Variants in IL18 observed in about 807,000 individuals in gnomAD.
The protein encoded by IL18 is interleukin 18, also known as interleukin-18.
Under a neutral mutation model 14.2 loss-of-function variants are expected in IL18, and 8 were observed. That is an observed-to-expected ratio of 0.56 (90% CI 0.33 to 1.01). The LOEUF is 1.01. Ranked by LOEUF, IL18 falls within the 50% of genes least tolerant of loss-of-function variation. IL18 has a pLI of 0.03. For synonymous variants in IL18, 67 were observed against 71.0 expected, an observed-to-expected ratio of 0.94 and a Z score of 0.28; for missense variants, 166 against 231.1, an observed-to-expected ratio of 0.72 and a Z score of 1.83.
intron 3 of IL18, chr11:112,153,281 C>G: frequency 3.8e-6 from 1 of 262,378 alleles, no homozygotes; most frequent in East Asian, 6.5e-5. Context: ...CTATGCAACG[C>G]TCCCCCTACA....
At chr11:112,160,570 T>C (rs1336531059) in intron 1 of IL18, among the ~76,000 whole-genome samples, 1 of 152,180 alleles carries the variant, frequency 6.6e-6, no homozygotes, top group East Asian at 1.9e-4. Flanking sequence ...TTCCCCTGAA[T>C]TTTCAACACC....
chr11:112,159,818 TG>T (rs1866599084), intron 1 of IL18, among the ~76,000 whole-genome samples: 1 of 152,146 alleles, frequency 6.6e-6, no homozygotes, highest in Non-Finnish European at 1.5e-5. Context: ...AGGCAGCAGA[TG>T]GTAGGTGGAC....
At position 112,150,110 on chromosome 11, in the gene IL18, C is replaced by T. The variant is rs183932139; in HGVS notation, c.188G>A (p.Arg63Gln). 12 of 1,610,476 alleles carry T rather than the reference C, an allele frequency of 7.5e-6. No homozygotes were observed. The highest frequency in any genetic ancestry group is 4.4e-5 in the South Asian group (4 of 90,234). Residue 63 changes from arginine (R) to glutamine (Q), a missense_variant, in exon 4 of 6, where the codon CGG (arginine) becomes CAG (glutamine). Physicochemically the swap from Arg to Gln is conservative, Grantham distance 43 (BLOSUM62 1). Coordinates refer to ENST00000280357, the MANE Select transcript of IL18 (RefSeq NM_001562.4). ...ATCAGTCATATCTTCAAATAGAGGCCGATTTCCTTGGTCAATGAAGAGAAC... is the reference window on the plus strand; with the variant it reads ...ATCAGTCATATCTTCAAATAGAGGCTGATTTCCTTGGTCAATGAAGAGAAC... ...DQVLFIDQGNRPLFEDMTDSD... is the reference protein window; with the variant it reads ...DQVLFIDQGNQPLFEDMTDSD...
intron 5 of IL18, among the ~76,000 whole-genome samples, chr11:112,147,319 G>C (rs1004086544): frequency 2.0e-5 from 3 of 152,208 alleles, no homozygotes; most frequent in African/African-American, 7.2e-5. Context: ...TAAGTGCCAA[G>C]CATTATTTCC....
At chr11:112,160,958 A>C (rs1489611738) in intron 1 of IL18, among the ~76,000 whole-genome samples, 1 of 151,762 alleles carries the variant, frequency 6.6e-6, no homozygotes, top group African/African-American at 2.4e-5. Context: ...CCTCTCCTCA[A>C]TTTTCCTCTT....
chr11:112,158,626 C>T (rs1484441442), intron 1 of IL18, among the ~76,000 whole-genome samples: 2 of 144,662 alleles, frequency 1.4e-5, no homozygotes, highest in East Asian at 4.0e-4. Context: ...CAATAATAAC[C>T]TGTATGTCTG....
chr11:112,147,150 G>C (rs1866358172), intron 5 of IL18, among the ~76,000 whole-genome samples: 1 of 151,552 alleles, frequency 6.6e-6, no homozygotes, highest in Non-Finnish European at 1.5e-5. Flanking sequence ...GGCTGGTCTT[G>C]AACTCCTGAC....
In IL18 at chr11:112,145,874, A is replaced by G. The variant is rs5744279; in HGVS notation, c.361-2057T>C. Among the ~76,000 whole-genome samples the G allele has an allele frequency of 4.8e-3, 727 of 152,310 alleles. 8 individuals are homozygous for G. The highest frequency in any genetic ancestry group is 0.017 in the African/African-American group (689 of 41,570). On this transcript the variant is annotated intron_variant, in intron 5 of 5. Transcript: ENST00000280357. Reference sequence around the variant, plus strand: ...AATAGAGGTAAGGACATCCTTGGGCAGTAGCTTTCCTAGTTTTGATGTTGA... The same window carrying G: ...AATAGAGGTAAGGACATCCTTGGGCGGTAGCTTTCCTAGTTTTGATGTTGA...
chr11:112,161,800 AAAC>A (rs747369122), intron 1 of IL18, among the ~76,000 whole-genome samples: 25 of 152,214 alleles, frequency 1.6e-4, no homozygotes, highest in South Asian at 2.1e-4. Context: ...GCTCCATCTC[AAAC>A]AACAACAACA....
chr11:112,161,716 A>G (rs552692168), intron 1 of IL18, among the ~76,000 whole-genome samples: 14 of 152,280 alleles, frequency 9.2e-5, no homozygotes, highest in Non-Finnish European at 1.9e-4. Flanking sequence ...AGAATAACTG[A>G]TTGAACCCAT....
In IL18 at chr11:112,144,757, A is replaced by G. The variant is rs181647373; in HGVS notation, c.361-940T>C. On this transcript the variant is annotated intron_variant, in intron 5 of 5. Transcript: ENST00000280357. ...TCTTCCTGCCAAGCACTCCAGTTCC[A>G]TAGTAGTCTTGAATTTCTGTCCTGA... 5.0e-3 allele frequency among the ~76,000 whole-genome samples: 759 copies of G among 152,322 alleles called. 6 individuals carry two copies. Among genetic ancestry groups the G allele is most frequent in the Non-Finnish European group, 6.5e-3 (443 of 68,020 alleles).
chr11:112,155,616 C>T (rs193197739), intron 1 of IL18, among the ~76,000 whole-genome samples: 14 of 152,210 alleles, frequency 9.2e-5, no homozygotes, highest in Admixed American at 3.3e-4. Flanking sequence ...CCCTGAGCTG[C>T]GGTGATTTTT....
intron 3 of IL18, among the ~76,000 whole-genome samples, chr11:112,152,102 C>G (rs1040420032): frequency 6.6e-6 from 1 of 152,210 alleles, no homozygotes; most frequent in African/African-American, 2.4e-5. Flanking sequence ...TCCACTAGGA[C>G]GTTCCACAGA....
chr11:112,149,378 T>C (rs1311481412), intron 4 of IL18, among the ~76,000 whole-genome samples: 3 of 152,064 alleles, frequency 2.0e-5, no homozygotes, highest in Non-Finnish European at 2.9e-5. Context: ...TTTAAAGATA[T>C]GAATTCTAAA....
intron 1 of IL18, among the ~76,000 whole-genome samples, chr11:112,158,229 T>A (rs1866567452): frequency 6.6e-6 from 1 of 152,220 alleles, no homozygotes; most frequent in African/African-American, 2.4e-5. Flanking sequence ...CCTCAGGTGA[T>A]CTGCCCGCCT....
chr11:112,156,616 CAT>C (rs1866537171), intron 1 of IL18, among the ~76,000 whole-genome samples: 1 of 151,876 alleles, frequency 6.6e-6, no homozygotes, highest in African/African-American at 2.4e-5. Flanking sequence ...GATAAGTTTT[CAT>C]ATGTTTGGTA....
chr11:112,149,670 G>C (rs980100942), intron 4 of IL18, among the ~76,000 whole-genome samples: 2 of 146,858 alleles, frequency 1.4e-5, no homozygotes, highest in Non-Finnish European at 3.0e-5. Flanking sequence ...CAGCCTCAAA[G>C]TCCTGGCCTC....
intron 1 of IL18, 135 bp from the exon 2 acceptor site, chr11:112,155,196 A>G (rs1234341585): frequency 3.7e-6 from 2 of 538,732 alleles, no homozygotes; most frequent in Non-Finnish European, 6.7e-6. Context: ...AATAAATGCC[A>G]GAAGTTTCAG....
intron 5 of IL18, among the ~76,000 whole-genome samples, chr11:112,145,832 C>G (rs767422272): frequency 6.6e-6 from 1 of 152,144 alleles, no homozygotes; most frequent in Non-Finnish European, 1.5e-5. Context: ...TTTAATCACA[C>G]TTATTGCACA....
Sources: allele counts gnomAD v4.1 joint callset (sites outside exome capture counted in the v4.1 genomes callset), GRCh38; gene constraint gnomAD v4.1.1; transcripts MANE v1.5; gene names NCBI Gene and HGNC (gene_info 2026-07-23, HGNC 2026-07-21).